The following SLC25A26 variants were observed in gnomAD, a reference collection of about 807,000 sequenced individuals.
The protein encoded by SLC25A26 is mitochondrial S-adenosylmethionine carrier protein.
In SLC25A26, 36 loss-of-function variants were observed where a neutral mutation model predicts 37.8. The observed-to-expected ratio is 0.95, with a 90% CI of 0.73 to 1.26. The LOEUF (loss-of-function observed/expected upper bound fraction) is 1.26. Among genes scored for constraint, SLC25A26 ranks in the 50% most tolerant of loss-of-function variants. The pLI, the probability that SLC25A26 is intolerant of heterozygous loss-of-function variation, is 0.00. For missense variants in SLC25A26, 390 were observed against 331.1 expected (o/e 1.18, Z -1.38); for synonymous variants, 129 against 122.5 (o/e 1.05, Z -0.35).
chr3:66,217,069 C>T (rs1346931254), upstream of SLC25A26, among the ~76,000 whole-genome samples: 1 of 152,162 alleles, frequency 6.6e-6, no homozygotes, highest in South Asian at 2.1e-4. Flanking sequence ...CTTCTTGATT[C>T]TGAAAGATAC....
In SLC25A26 at chr3:66,295,963, A is replaced by G. The variant is rs1001563559; in HGVS notation, c.453+32584A>G. 2.6e-5 allele frequency among the ~76,000 whole-genome samples: 4 copies of G among 152,064 alleles called. No individual in the cohort carries two copies. The East Asian group carries it at 7.8e-4, about 30-fold the overall frequency. The stretch of plus-strand genomic sequence containing the variant: ...GAAACCTCATCTTTAATAAAAATAC[A>G]AAAATTAGCTGGGCATGGTGGCAGG... On this transcript the variant is annotated intron_variant, in intron 5 of 9. Coordinates refer to ENST00000354883, the MANE Select transcript of SLC25A26 (RefSeq NM_001379210.1).
intron 1 of SLC25A26, among the ~76,000 whole-genome samples, chr3:66,141,050 GACACACAC>G (rs35140096): frequency 7.5e-4 from 112 of 148,530 alleles, no homozygotes; most frequent in Non-Finnish European, 1.3e-3. Context: ...ATAGAAACAG[GACACACAC>G]ACACACACAC....
chr3:66,200,884 C>G (rs2071099779), intron 1 of SLC25A26, among the ~76,000 whole-genome samples: 1 of 152,150 alleles, frequency 6.6e-6, no homozygotes, highest in Admixed American at 6.5e-5. Flanking sequence ...AAACAAGCAA[C>G]TGACTAAGTG....
chr3:66,305,937 T>C (rs2075207589), intron 5 of SLC25A26, among the ~76,000 whole-genome samples: 1 of 152,200 alleles, frequency 6.6e-6, no homozygotes, highest in South Asian at 2.1e-4. Context: ...AAAGCATTCC[T>C]GTCTTTCCTC....
intron 5 of SLC25A26, among the ~76,000 whole-genome samples, chr3:66,284,676 TCAA>T (rs1312628544): frequency 7.9e-5 from 12 of 152,014 alleles, no homozygotes; most frequent in Non-Finnish European, 1.5e-4. Context: ...TGGATCAATC[TCAA>T]CAAATTTCAT....
At chr3:66,171,497 T>C (rs1275726148) in intron 1 of SLC25A26, among the ~76,000 whole-genome samples, 2 of 152,190 alleles carry the variant, frequency 1.3e-5, no homozygotes, top group African/African-American at 2.4e-5. Context: ...GATTTTTCTT[T>C]TCTTTTTTTT....
chr3:66,351,237 C>A (rs2076446152), intron 6 of SLC25A26, among the ~76,000 whole-genome samples: 1 of 152,164 alleles, frequency 6.6e-6, no homozygotes, highest in Non-Finnish European at 1.5e-5. Flanking sequence ...ACTTGCTCCC[C>A]AAATCCTGTT....
intron 5 of SLC25A26, among the ~76,000 whole-genome samples, chr3:66,343,907 C>T (rs1575590686): frequency 1.3e-5 from 2 of 152,150 alleles, no homozygotes; most frequent in Admixed American, 6.5e-5. Context: ...TGGATAATGT[C>T]AGATGCTTTT....
intron 1 of SLC25A26, among the ~76,000 whole-genome samples, chr3:66,179,677 A>G (rs1008452192): frequency 1.3e-5 from 2 of 151,748 alleles, no homozygotes; most frequent in African/African-American, 4.8e-5. Context: ...TATAACATAT[A>G]CGCTTTAGTT....
rs868834464 is a variant in SLC25A26, at chr3:66,275,618, A to G, written c.453+12239A>G. On this transcript the variant is annotated intron_variant, in intron 5 of 9. Coordinates refer to ENST00000354883, the MANE Select transcript of SLC25A26 (RefSeq NM_001379210.1). Reference sequence around the variant, plus strand: ...TAAGTACTTAGGTATTAAGATCTCCAGATACATTTAGCAAGAATTATGGAG... The same window carrying G: ...TAAGTACTTAGGTATTAAGATCTCCGGATACATTTAGCAAGAATTATGGAG... 2.6e-5 allele frequency among the ~76,000 whole-genome samples: 4 copies of G among 152,222 alleles called. No homozygotes were observed. In the Middle Eastern group the frequency reaches 0.01, roughly 388 times the overall value.
In SLC25A26 at chr3:66,332,079, G is replaced by A. The variant is rs544384448; in HGVS notation, c.454-14285G>A. Among the ~76,000 whole-genome samples the A allele has an allele frequency of 9.9e-5, 15 of 152,032 alleles. No homozygotes were observed. The South Asian group carries it at 2.9e-3, about 29-fold the overall frequency. ...CTTGAGTAGCTGGGATTACAGGTGC[G>A]CGACACCAAAAATTAGCCTGGCTAA... is the stretch of plus-strand genomic sequence containing the variant. On this transcript the variant is annotated intron_variant, in intron 5 of 9. Coordinates refer to ENST00000354883, the MANE Select transcript of SLC25A26 (RefSeq NM_001379210.1).
Position 66,374,726 on chromosome 3 carries a change from C to G in SLC25A26, c.708-2964C>G, listed in dbSNP as rs936409763. On this transcript the variant is annotated intron_variant, in intron 9 of 9. Transcript: ENST00000354883. Reference sequence around the variant, plus strand: ...TGCCAAACCCTGTCTACAAAAAATACAAAAATTAGCTGGCCATGTTGGTGT... The same window carrying G: ...TGCCAAACCCTGTCTACAAAAAATAGAAAAATTAGCTGGCCATGTTGGTGT... Among the ~76,000 whole-genome samples the G allele has an allele frequency of 5.9e-5, 9 of 152,166 alleles. No homozygotes were observed. The East Asian group carries it at 1.5e-3, about 26-fold the overall frequency.
chr3:66,137,217 CTTTTT>C (rs528438794), intron 1 of SLC25A26, among the ~76,000 whole-genome samples: 10 of 118,836 alleles, frequency 8.4e-5, no homozygotes, highest in Admixed American at 1.8e-4. Flanking sequence ...GATTTTCTTT[CTTTTT>C]TTTTTTTTTT....
At chr3:66,343,980 G>A (rs180918051) in intron 5 of SLC25A26, among the ~76,000 whole-genome samples, 18 of 152,198 alleles carry the variant, frequency 1.2e-4, no homozygotes, top group African/African-American at 3.4e-4. Context: ...CATTCGGGGG[G>A]GCTGGCTGCC....
At chr3:66,312,525 G>T (rs2107607910) in intron 5 of SLC25A26, among the ~76,000 whole-genome samples, 1 of 145,176 alleles carries the variant, frequency 6.9e-6, no homozygotes, top group Non-Finnish European at 1.5e-5. Flanking sequence ...GGTGTCACTG[G>T]GTACGAAGAA....
intron 5 of SLC25A26, among the ~76,000 whole-genome samples, chr3:66,333,529 C>T (rs1368143451): frequency 2.6e-5 from 4 of 152,216 alleles, no homozygotes; most frequent in African/African-American, 9.6e-5. Flanking sequence ...CCGACTCATA[C>T]TGGCCTTTCT....
At chr3:66,373,051 T>C (rs556636905) in intron 9 of SLC25A26, among the ~76,000 whole-genome samples, 1 of 152,264 alleles carries the variant, frequency 6.6e-6, no homozygotes, top group African/African-American at 2.4e-5. Context: ...AACAGAAATA[T>C]ATTACTAAAC....
At chr3:66,366,915 A>G (rs927172178) in intron 7 of SLC25A26, among the ~76,000 whole-genome samples, 1 of 152,236 alleles carries the variant, frequency 6.6e-6, no homozygotes, top group Non-Finnish European at 1.5e-5. Context: ...AGTAACACCT[A>G]TGCAAATGAG....
intron 5 of SLC25A26, among the ~76,000 whole-genome samples, chr3:66,311,504 A>G (rs2075376603): frequency 6.6e-6 from 1 of 151,224 alleles, no homozygotes; most frequent in South Asian, 2.1e-4. Flanking sequence ...AGTTTTTCAT[A>G]CTCATTTTCT....
Sources: allele counts gnomAD v4.1 joint callset (sites outside exome capture counted in the v4.1 genomes callset), GRCh38; gene constraint gnomAD v4.1.1; transcripts MANE v1.5; gene names NCBI Gene and HGNC (gene_info 2026-07-23, HGNC 2026-07-21).